CRLF3: variants seen among roughly 807,000 people sequenced by gnomAD.
The protein encoded by CRLF3 is cytokine receptor-like factor 3.
In CRLF3, 33 loss-of-function variants were observed where a neutral mutation model predicts 55.0. That is an observed-to-expected ratio of 0.60 (90% CI 0.46 to 0.80). CRLF3 has a LOEUF of 0.80. Among genes scored for constraint, CRLF3 ranks in the 30% least tolerant of loss-of-function variants. The pLI, the probability that CRLF3 is intolerant of heterozygous loss-of-function variation, is 0.00. For missense variants in CRLF3, 494 were observed against 538.4 expected (o/e 0.92, Z 0.82); for synonymous variants, 238 against 196.8 (o/e 1.21, Z -1.75).
intron 1 of CRLF3, among the ~76,000 whole-genome samples, chr17:30,820,222 G>C (rs1904947942): frequency 6.6e-6 from 1 of 152,166 alleles, no homozygotes; most frequent in African/African-American, 2.4e-5. Flanking sequence ...TCTGAAAACA[G>C]AGGGTAGAGC....
At chr17:30,784,527 C>T (rs1367732100) in intron 7 of CRLF3, 84 bp from the exon 8 acceptor site, 4 of 1,193,798 alleles carry the variant, frequency 3.4e-6, no homozygotes, top group Non-Finnish European at 4.8e-6. Flanking sequence ...GGTAACACAG[C>T]TCATTTCCTA....
At chr17:30,784,548 T>C (rs1261425398) in intron 7 of CRLF3, 105 bp from the exon 8 acceptor site, 1 of 1,059,388 alleles carries the variant, frequency 9.4e-7, no homozygotes, top group South Asian at 1.6e-5. Context: ...ATTCAGATTT[T>C]AAAAAATCTG....
At chr17:30,801,871 A>AT (rs1253091901) in intron 2 of CRLF3, among the ~76,000 whole-genome samples, 1 of 151,824 alleles carries the variant, frequency 6.6e-6, no homozygotes, top group East Asian at 1.9e-4. Context: ...TAATCCTTGA[A>AT]TATGCCATTC....
At chr17:30,798,108 G>A (rs890327375) in intron 2 of CRLF3, among the ~76,000 whole-genome samples, 40 of 151,990 alleles carry the variant, frequency 2.6e-4, no homozygotes, top group African/African-American at 8.5e-4. Context: ...GGCTGGGTGC[G>A]GTAGCTCACG....
chr17:30,821,978 G>C lies in CRLF3; in HGVS notation c.129+2545C>G, dbSNP rs534445615. 2.0e-5 allele frequency among the ~76,000 whole-genome samples: 3 copies of C among 149,328 alleles called. No homozygotes were observed. The South Asian group carries it at 6.3e-4, about 31-fold the overall frequency. On this transcript the variant is annotated intron_variant, in intron 1 of 7. Transcript: ENST00000324238. Reference sequence around the variant, plus strand: ...GCTCACACCTGTAATTCCATCACCGGAAGGCAGAGGTGGGAGGATCTTTTG... The same window carrying C: ...GCTCACACCTGTAATTCCATCACCGCAAGGCAGAGGTGGGAGGATCTTTTG...
At chr17:30,817,175 C>G (rs534629140) in intron 1 of CRLF3, among the ~76,000 whole-genome samples, 8 of 152,248 alleles carry the variant, frequency 5.3e-5, no homozygotes, top group African/African-American at 1.7e-4. Flanking sequence ...CAGTGGCTCA[C>G]GCTTGTAATC....
At chr17:30,804,361 A>G (rs1333127123) in intron 1 of CRLF3, among the ~76,000 whole-genome samples, 1 of 152,162 alleles carries the variant, frequency 6.6e-6, no homozygotes, top group Non-Finnish European at 1.5e-5. Context: ...AACACTTATG[A>G]TCTCTCCTAA....
chr17:30,784,145 G>T lies in CRLF3; in HGVS notation c.*42C>A. 8.2e-6 allele frequency: 13 copies of T among 1,577,962 alleles called. No homozygotes were observed. Among genetic ancestry groups the T allele is most frequent in the Non-Finnish European group, 1.1e-5 (13 of 1,158,914 alleles). On this transcript the variant is annotated 3_prime_UTR_variant, in exon 8 of 8. Coordinates refer to ENST00000324238, the MANE Select transcript of CRLF3 (RefSeq NM_015986.4). ...TTACAACTACGCTGGGCTGAGGACA[G>T]CTACGTTAGACCCTGAAAACCAAAG... is the stretch of plus-strand genomic sequence containing the variant.
At position 30,791,973 on chromosome 17, in the gene CRLF3, A is replaced by G. The variant is rs186480791; in HGVS notation, c.959+467T>C. ...GCAATTCTCCTGCCTCAGCCTCCCAAGTAGCTGGGATTGCAGGCATATGTG... is the reference window on the plus strand; with the variant it reads ...GCAATTCTCCTGCCTCAGCCTCCCAGGTAGCTGGGATTGCAGGCATATGTG... On this transcript the variant is annotated intron_variant, in intron 6 of 7. Transcript: ENST00000324238. Among the ~76,000 whole-genome samples, 175 of 152,164 alleles carry G rather than the reference A, an allele frequency of 1.2e-3. 1 individual carries two copies. The highest frequency in any genetic ancestry group is 4.0e-3 in the African/African-American group (164 of 41,490).
At chr17:30,811,019 GT>G (rs1730920366) in intron 1 of CRLF3, among the ~76,000 whole-genome samples, 2 of 152,164 alleles carry the variant, frequency 1.3e-5, no homozygotes, top group African/African-American at 4.8e-5. Context: ...AGCCTGAGAG[GT>G]TGAGGCTTCA....
At chr17:30,794,684 A>C (rs1196689474) in intron 4 of CRLF3, among the ~76,000 whole-genome samples, 2 of 152,158 alleles carry the variant, frequency 1.3e-5, no homozygotes, top group Non-Finnish European at 2.9e-5. Flanking sequence ...CTGAAGTCCC[A>C]ATTACTTGGG....
chr17:30,795,615 A>G lies in CRLF3; in HGVS notation c.603+545T>C, dbSNP rs565610861. On this transcript the variant is annotated intron_variant, in intron 4 of 7. Coordinates refer to ENST00000324238, the MANE Select transcript of CRLF3 (RefSeq NM_015986.4). ...GTCGGAGGTTGCATCGCTGCACTCC[A>G]GCCTGGGCGACACAGCAAGGCTTCA... 2.0e-5 allele frequency among the ~76,000 whole-genome samples: 3 copies of G among 151,840 alleles called. No homozygotes were observed. The South Asian group carries it at 6.2e-4, about 32-fold the overall frequency.
chr17:30,808,241 A>T (rs1904481595), intron 1 of CRLF3, among the ~76,000 whole-genome samples: 2 of 145,460 alleles, frequency 1.4e-5, no homozygotes, highest in Admixed American at 6.8e-5. Flanking sequence ...CAGAACATGA[A>T]TTTTTTTTCT....
In CRLF3 at chr17:30,793,166, T is replaced by TA. The variant is rs963463129; in HGVS notation, c.826+283dup. Among the ~76,000 whole-genome samples the TA allele has an allele frequency of 8.6e-5, 13 of 151,368 alleles. No homozygotes were observed. In the South Asian group the frequency reaches 1.7e-3, roughly 19 times the overall value. Reference sequence around the variant, plus strand: ...AAACTAACTAAATAACATTCAAATATAAAAAAAAGAATAAAAAGGAATATC... The same window carrying TA: ...AAACTAACTAAATAACATTCAAATATAAAAAAAAAGAATAAAAAGGAATATC... On this transcript the variant is annotated intron_variant, in intron 5 of 7. Coordinates refer to ENST00000324238, the MANE Select transcript of CRLF3 (RefSeq NM_015986.4).
chr17:30,810,470 G>A (rs1477596084), intron 1 of CRLF3, among the ~76,000 whole-genome samples: 1 of 152,100 alleles, frequency 6.6e-6, no homozygotes, highest in African/African-American at 2.4e-5. Flanking sequence ...GCTGAGGCAG[G>A]AGAATCACTT....
Position 30,784,266 on chromosome 17 carries a change from C to T in CRLF3, c.1250G>A (p.Trp417Ter). 1 of 1,613,704 alleles carries T rather than the reference C, an allele frequency of 6.2e-7. No homozygotes were observed. The highest frequency in any genetic ancestry group is 8.5e-7 in the Non-Finnish European group (1 of 1,179,660). The change falls in exon 8 of 8, where the codon TGG (tryptophan) becomes TAG (stop). Residue 417 changes from tryptophan to a stop codon, truncating the protein, a stop_gained. Coordinates refer to ENST00000324238, the MANE Select transcript of CRLF3 (RefSeq NM_015986.4). LOFTEE classifies it high-confidence loss of function. ...AGAACCACAAGACTGATCAAGTAAC[C>T]AGTCAAAAACCACTTCTCTATTATT... ...SSNNREVVFD[W>*]LLDQSCGSLY...
chr17:30,822,077 A>G (rs906461640), intron 1 of CRLF3, among the ~76,000 whole-genome samples: 100 of 151,698 alleles, frequency 6.6e-4, no homozygotes, highest in Admixed American at 1.6e-3. Context: ...AAAAAAAAAA[A>G]AAAAGAAAAG....
chr17:30,791,666 C>T (rs1171032788), intron 6 of CRLF3, among the ~76,000 whole-genome samples: 3 of 148,340 alleles, frequency 2.0e-5, no homozygotes, highest in Non-Finnish European at 4.5e-5. Flanking sequence ...CACAGACACC[C>T]ACCACCATGT....
chr17:30,820,997 G>T (rs1014842265), intron 1 of CRLF3, among the ~76,000 whole-genome samples: 1 of 151,762 alleles, frequency 6.6e-6, no homozygotes, highest in Non-Finnish European at 1.5e-5. Context: ...CGAGGCTGCA[G>T]TGAGTTCTGA....
Sources: gnomAD v4.1 joint callset for allele counts (sites outside exome capture counted in the v4.1 genomes callset) on GRCh38, gnomAD v4.1.1 for gene constraint, MANE v1.5 for transcripts, NCBI Gene and HGNC (gene_info 2026-07-23, HGNC 2026-07-21) for gene names.